Variants in CNTN4 observed in about 807,000 individuals in gnomAD.
CNTN4 encodes the protein contactin-4.
Under a neutral mutation model 122.5 loss-of-function variants are expected in CNTN4, and 77 were observed. The ratio of observed to expected loss-of-function variants is 0.63; its 90% CI spans 0.52 to 0.76. CNTN4 has a LOEUF of 0.76. Ranked by LOEUF, CNTN4 falls within the 30% of genes least tolerant of loss-of-function variation. The pLI, the probability that CNTN4 is intolerant of heterozygous loss-of-function variation, is 0.00. For missense variants in CNTN4, 1,256 were observed against 1,259.1 expected (o/e 1.00, Z 0.04); for synonymous variants, 512 against 447.0 (o/e 1.15, Z -1.83).
intron 8 of CNTN4, among the ~76,000 whole-genome samples, chr3:2,878,887 A>T (rs1160592813): frequency 6.6e-6 from 1 of 152,168 alleles, no homozygotes. Flanking sequence ...AGTAGTAGAG[A>T]ATAACTCTAC....
chr3:2,500,157 T>G (rs1477403459), intron 3 of CNTN4, among the ~76,000 whole-genome samples: 1 of 152,098 alleles, frequency 6.6e-6, no homozygotes, highest in East Asian at 1.9e-4. Flanking sequence ...ATATTGGACT[T>G]TAAAAGTTTT....
chr3:2,530,635 T>C (rs1455774781), intron 3 of CNTN4, among the ~76,000 whole-genome samples: 10 of 152,112 alleles, frequency 6.6e-5, no homozygotes, highest in African/African-American at 1.9e-4. Flanking sequence ...ACCACGTTGA[T>C]TGGGACTATG....
chr3:2,593,374 G>A lies in CNTN4; in HGVS notation c.55+21816G>A, dbSNP rs538057589. Among the ~76,000 whole-genome samples, 5 of 152,182 alleles carry A rather than the reference G, an allele frequency of 3.3e-5. No homozygotes were observed. In the South Asian group the frequency reaches 6.2e-4, roughly 19 times the overall value. ...ACCTCTGTTAACCTTCGCAATTATC[G>A]GATAGGTAGATACATTGAGATTATC... On this transcript the variant is annotated intron_variant, in intron 4 of 24. Coordinates refer to ENST00000418658, the MANE Select transcript of CNTN4 (RefSeq NM_175607.3).
At chr3:2,589,098 T>C (rs905203518) in intron 4 of CNTN4, among the ~76,000 whole-genome samples, 6 of 152,168 alleles carry the variant, frequency 3.9e-5, no homozygotes, top group Non-Finnish European at 5.9e-5. Context: ...TAGCATGCAA[T>C]GAGTGACATA....
At chr3:2,779,675 C>A (rs1310903435) in intron 6 of CNTN4, among the ~76,000 whole-genome samples, 1 of 152,070 alleles carries the variant, frequency 6.6e-6, no homozygotes, top group Non-Finnish European at 1.5e-5. Flanking sequence ...GTGTTCCCTT[C>A]TGAATATTAA....
At chr3:2,725,161 GCT>G (rs1261041042) in intron 4 of CNTN4, among the ~76,000 whole-genome samples, 1 of 152,146 alleles carries the variant, frequency 6.6e-6, no homozygotes, top group Non-Finnish European at 1.5e-5. Flanking sequence ...CCATGCAAGT[GCT>G]CTTTTTTCCT....
chr3:2,171,191 A>C lies in CNTN4; in HGVS notation c.-145+70552A>C, dbSNP rs573641090. Among the ~76,000 whole-genome samples the C allele has an allele frequency of 2.7e-3, 408 of 152,290 alleles. 1 individual carries two copies. Among genetic ancestry groups the C allele is most frequent in the Non-Finnish European group, 5.0e-3 (340 of 68,006 alleles). ...TTACATCCAAAAACCATGCACCTAA[A>C]TGTCCACCAGGAAATGGACAGATAA... On this transcript the variant is annotated intron_variant, in intron 2 of 24. Coordinates refer to ENST00000418658, the MANE Select transcript of CNTN4 (RefSeq NM_175607.3).
intron 10 of CNTN4, among the ~76,000 whole-genome samples, chr3:2,899,693 T>C (rs989653636): frequency 6.6e-6 from 1 of 152,124 alleles, no homozygotes; most frequent in African/African-American, 2.4e-5. Context: ...GCGGGGGTAG[T>C]GGATAGCAGT....
chr3:2,362,908 TATAAG>T (rs1223615672), intron 3 of CNTN4, among the ~76,000 whole-genome samples: 1 of 152,248 alleles, frequency 6.6e-6, no homozygotes, highest in Non-Finnish European at 1.5e-5. Context: ...GAACAACTAT[TATAAG>T]ATTCTCACAT....
At chr3:2,513,199 T>C (rs1431073063) in intron 3 of CNTN4, among the ~76,000 whole-genome samples, 3 of 152,198 alleles carry the variant, frequency 2.0e-5, no homozygotes, top group Admixed American at 1.3e-4. Context: ...GCAAGTGGTT[T>C]TGATGGCTAT....
At chr3:2,284,242 T>C (rs1229602789) in intron 2 of CNTN4, among the ~76,000 whole-genome samples, 1 of 152,038 alleles carries the variant, frequency 6.6e-6, no homozygotes, top group Non-Finnish European at 1.5e-5. Flanking sequence ...ACATCAGAAA[T>C]TGGGGCAAAA....
intron 2 of CNTN4, among the ~76,000 whole-genome samples, chr3:2,287,817 G>A (rs1187636382): frequency 2.0e-5 from 3 of 151,812 alleles, no homozygotes; most frequent in Admixed American, 6.6e-5. Flanking sequence ...GGAGGAAGAG[G>A]AAGAAGAAGA....
intron 2 of CNTN4, among the ~76,000 whole-genome samples, chr3:2,240,629 G>T (rs1171936857): frequency 2.6e-5 from 4 of 152,064 alleles, no homozygotes; most frequent in African/African-American, 9.7e-5. Context: ...GGTTTCATAT[G>T]ATTCAACCTA....
chr3:2,547,515 C>T (rs1287660556), intron 3 of CNTN4, among the ~76,000 whole-genome samples: 2 of 152,070 alleles, frequency 1.3e-5, no homozygotes, highest in African/African-American at 4.8e-5. Context: ...ATCTGCCTAC[C>T]TCGGCCTTCC....
intron 8 of CNTN4, chr3:2,882,901 G>C: frequency 2.3e-6 from 1 of 434,882 alleles, no homozygotes; most frequent in Non-Finnish European, 4.3e-6. Flanking sequence ...GAGGGGCAAA[G>C]TTGTATGCAT....
chr3:2,426,740 A>G (rs960231896), intron 3 of CNTN4, among the ~76,000 whole-genome samples: 1 of 152,072 alleles, frequency 6.6e-6, no homozygotes, highest in African/African-American at 2.4e-5. Context: ...TATTGCCTCA[A>G]TTTCAGTGGC....
chr3:2,240,302 C>T (rs1298700087), intron 2 of CNTN4, among the ~76,000 whole-genome samples: 1 of 152,010 alleles, frequency 6.6e-6, no homozygotes. Context: ...TTAGTTAAAA[C>T]GAAATCTTAC....
chr3:2,106,318 T>G (rs1186466251), intron 2 of CNTN4, among the ~76,000 whole-genome samples: 1 of 152,156 alleles, frequency 6.6e-6, no homozygotes, highest in African/African-American at 2.4e-5. Flanking sequence ...CAACCCCCAT[T>G]TCCCTTCCGC....
chr3:2,870,136 T>G (rs2093768300), intron 8 of CNTN4, among the ~76,000 whole-genome samples: 1 of 152,154 alleles, frequency 6.6e-6, no homozygotes, highest in East Asian at 1.9e-4. Flanking sequence ...GAAACAAACA[T>G]TCAGGAACAC....
Sources: allele counts gnomAD v4.1 joint callset (sites outside exome capture counted in the v4.1 genomes callset), GRCh38; gene constraint gnomAD v4.1.1; transcripts MANE v1.5; gene names NCBI Gene and HGNC (gene_info 2026-07-23, HGNC 2026-07-21).